ZBTB38: variants seen among roughly 807,000 people sequenced by gnomAD.
The protein encoded by ZBTB38 is zinc finger and BTB domain-containing protein 38.
ZBTB38 carries 20 observed loss-of-function variants against 76.8 expected under a neutral mutation model. The ratio of observed to expected loss-of-function variants is 0.26; its 90% confidence interval spans 0.18 to 0.38. ZBTB38 has a LOEUF of 0.38. Ranked by LOEUF, ZBTB38 falls within the 10% of genes least tolerant of loss-of-function variation. ZBTB38 has a pLI of 1.00. For synonymous variants in ZBTB38, 504 were observed against 544.2 expected (o/e 0.93, Z 1.03); for missense variants, 1,082 against 1,482.3 (o/e 0.73, Z 4.43).
intron 4 of ZBTB38, among the ~76,000 whole-genome samples, chr3:141,391,064 G>A (rs1186500155): frequency 6.6e-6 from 1 of 152,106 alleles, no homozygotes; most frequent in Non-Finnish European, 1.5e-5. Flanking sequence ...GGAGGCTGAG[G>A]TAGGAGTATT....
chr3:141,349,665 G>A (rs557529000), intron 1 of ZBTB38, among the ~76,000 whole-genome samples: 1 of 152,282 alleles, frequency 6.6e-6, no homozygotes, highest in African/African-American at 2.4e-5. Flanking sequence ...GGGAGGCAGA[G>A]GTTGAAGTGA....
intron 3 of ZBTB38, among the ~76,000 whole-genome samples, chr3:141,384,340 A>G (rs1946631369): frequency 6.6e-6 from 1 of 152,218 alleles, no homozygotes; most frequent in South Asian, 2.1e-4. Context: ...CCTAATATGG[A>G]TTACTGTTGT....
chr3:141,402,547 T>C (rs1405488427), intron 4 of ZBTB38: 1 of 148,664 alleles, frequency 6.7e-6, no homozygotes, highest in African/African-American at 2.5e-5. Context: ...GCCCGATCGC[T>C]CCTCGCTTCT....
At chr3:141,411,237 A>G (rs1288153648) in intron 5 of ZBTB38, among the ~76,000 whole-genome samples, 1 of 152,210 alleles carries the variant, frequency 6.6e-6, no homozygotes, top group East Asian at 1.9e-4. Context: ...TTTTCATGTA[A>G]GCATGGAGAT....
At chr3:141,329,788 AT>A (rs901311267) in intron 1 of ZBTB38, among the ~76,000 whole-genome samples, 6 of 151,278 alleles carry the variant, frequency 4.0e-5, no homozygotes, top group African/African-American at 7.3e-5. Context: ...TACTGTTTGG[AT>A]TTTTTTTTAA....
intron 3 of ZBTB38, among the ~76,000 whole-genome samples, chr3:141,382,397 G>T (rs1026170907): frequency 1.3e-5 from 2 of 151,968 alleles, no homozygotes; most frequent in African/African-American, 4.8e-5. Context: ...ATAGTGAAAG[G>T]CTGCATTAAT....
At position 141,413,468 on chromosome 3, in the gene ZBTB38, ATTG is replaced by A. The variant is rs1957337223; in HGVS notation, c.-1+9440_-1+9442del. ...GGAGATGCTTCATGGTGTTGACCCT[ATTG>A]TTTTGAATACCTGACAGCTGGATGG... On this transcript the variant is annotated intron_variant, in intron 5 of 5. Coordinates refer to ENST00000321464, the MANE Select transcript of ZBTB38 (RefSeq NM_001376113.1). The surrounding 1 kb of genome is among the most constrained non-coding windows in gnomAD (Gnocchi z 4.1). Among the ~76,000 whole-genome samples, 2 of 151,980 alleles carry A rather than the reference ATTG, an allele frequency of 1.3e-5. No individual in the cohort carries two copies. Among genetic ancestry groups the A allele is most frequent in the African/African-American group, 2.4e-5 (1 of 41,374 alleles).
At chr3:141,411,261 T>G (rs1370006741) in intron 5 of ZBTB38, among the ~76,000 whole-genome samples, 1 of 152,228 alleles carries the variant, frequency 6.6e-6, no homozygotes, top group Non-Finnish European at 1.5e-5. Flanking sequence ...CGATTAGTTT[T>G]AATAGCACAG....
At chr3:141,351,882 C>A (rs1943527377) in intron 1 of ZBTB38, among the ~76,000 whole-genome samples, 1 of 151,898 alleles carries the variant, frequency 6.6e-6, no homozygotes, top group Admixed American at 6.6e-5. Flanking sequence ...GTTTTTAAAT[C>A]CCATGGGAGA....
chr3:141,383,028 G>A (rs1355160910), intron 3 of ZBTB38, among the ~76,000 whole-genome samples: 1 of 152,156 alleles, frequency 6.6e-6, no homozygotes, highest in Non-Finnish European at 1.5e-5. Context: ...AAAATTGAAG[G>A]TACTCAGTTT....
chr3:141,408,031 C>T (rs1356933948), intron 5 of ZBTB38, among the ~76,000 whole-genome samples: 1 of 152,184 alleles, frequency 6.6e-6, no homozygotes, highest in East Asian at 1.9e-4. Context: ...TGATGACACC[C>T]TGTCCCCATG....
At chr3:141,324,893 A>T (rs1942626379) in intron 1 of ZBTB38, among the ~76,000 whole-genome samples, 1 of 152,236 alleles carries the variant, frequency 6.6e-6, no homozygotes, top group Non-Finnish European at 1.5e-5. Flanking sequence ...ATTTATAAAG[A>T]TAAAATAATA....
chr3:141,417,365 T>A (rs1436351169), intron 5 of ZBTB38, among the ~76,000 whole-genome samples: 2 of 152,148 alleles, frequency 1.3e-5, no homozygotes, highest in Non-Finnish European at 2.9e-5. Context: ...TCCTCAGGCT[T>A]CTCAGAGGGA....
chr3:141,341,087 T>C (rs1219853226), intron 1 of ZBTB38, among the ~76,000 whole-genome samples: 1 of 151,820 alleles, frequency 6.6e-6, no homozygotes, highest in Middle Eastern at 3.2e-3. Context: ...GAAATACAAA[T>C]TAAAACCACA....
intron 1 of ZBTB38, among the ~76,000 whole-genome samples, chr3:141,331,750 T>A (rs1376700673): frequency 2.0e-5 from 3 of 152,162 alleles, no homozygotes; most frequent in Non-Finnish European, 4.4e-5. Flanking sequence ...ATTCATGGGT[T>A]TGAGCAGAAG....
chr3:141,364,547 C>T (rs1184694708), upstream of ZBTB38, among the ~76,000 whole-genome samples: 2 of 151,786 alleles, frequency 1.3e-5, no homozygotes, highest in South Asian at 2.1e-4. Context: ...TGTGGTGGCA[C>T]ATGCCTGTAA....
chr3:141,415,560 C>T (rs2073815499), intron 5 of ZBTB38, among the ~76,000 whole-genome samples: 1 of 152,210 alleles, frequency 6.6e-6, no homozygotes, highest in African/African-American at 2.4e-5. Context: ...CCTCAGCTGA[C>T]TTACACACAT....
At chr3:141,410,871 T>C (rs1577171166) in intron 5 of ZBTB38, among the ~76,000 whole-genome samples, 1 of 152,182 alleles carries the variant, frequency 6.6e-6, no homozygotes, top group East Asian at 1.9e-4. Context: ...CCCCTATTTT[T>C]CTGGCCACTA....
chr3:141,364,164 C>T (rs966721835), upstream of ZBTB38, among the ~76,000 whole-genome samples: 4 of 151,494 alleles, frequency 2.6e-5, no homozygotes, highest in East Asian at 1.9e-4. Context: ...TGGTGGCTCA[C>T]GCCTGTAATC....
Sources: gnomAD v4.1 joint callset for allele counts (sites outside exome capture counted in the v4.1 genomes callset) on GRCh38, gnomAD v4.1.1 for gene constraint, Gnocchi (gnomAD v3.1) non-coding constraint, MANE v1.5 for transcripts, NCBI Gene and HGNC (gene_info 2026-07-23, HGNC 2026-07-21) for gene names.